The following PDE3A variants were observed in gnomAD, a reference collection of about 807,000 sequenced individuals.
The protein encoded by PDE3A is phosphodiesterase 3A, also known as cGMP-inhibited 3',5'-cyclic phosphodiesterase 3A.
A neutral mutation model predicts 98.3 loss-of-function variants in PDE3A; 43 were observed. The observed-to-expected ratio is 0.44, with a 90% CI of 0.34 to 0.56. The LOEUF is 0.56. Ranked by LOEUF, PDE3A falls within the 20% of genes least tolerant of loss-of-function variation. The pLI, the probability that PDE3A is intolerant of heterozygous loss-of-function variation, is 0.01. For synonymous variants in PDE3A, 663 were observed against 567.9 expected, an observed-to-expected ratio of 1.17 and a Z score of -2.38; for missense variants, 1,427 against 1,440.7, an observed-to-expected ratio of 0.99 and a Z score of 0.15.
intron 1 of PDE3A, among the ~76,000 whole-genome samples, chr12:20,521,664 T>C (rs1946430148): frequency 6.6e-6 from 1 of 152,232 alleles, no homozygotes; most frequent in Non-Finnish European, 1.5e-5. Flanking sequence ...TTCAAGATTA[T>C]TAATTCATTT....
chr12:20,527,104 A>G (rs1420167849), intron 1 of PDE3A, among the ~76,000 whole-genome samples: 5 of 151,948 alleles, frequency 3.3e-5, no homozygotes, highest in Non-Finnish European at 7.4e-5. Flanking sequence ...TTTTTAGTAA[A>G]GAGGGGGTTT....
At chr12:20,621,579 T>A in intron 5 of PDE3A, among the ~76,000 whole-genome samples, 168 bp downstream of exon 5, 1 of 152,112 alleles carries the variant, frequency 6.6e-6, no homozygotes, top group African/African-American at 2.4e-5. Flanking sequence ...AACCAATTAG[T>A]TATTTAAATT....
intron 2 of PDE3A, among the ~76,000 whole-genome samples, chr12:20,610,975 T>C (rs1262547005): frequency 6.6e-6 from 1 of 151,934 alleles, no homozygotes; most frequent in African/African-American, 2.4e-5. Context: ...GGGTATCTAA[T>C]GTACATGAGG....
intron 2 of PDE3A, among the ~76,000 whole-genome samples, chr12:20,597,001 T>C (rs7962574): frequency 0.54 from 82,194 of 151,948 alleles, 22,510 homozygotes; most frequent in Admixed American, 0.63. Flanking sequence ...GGATCCAGAC[T>C]ACCTGGGTTG....
At chr12:20,378,653 A>G (rs1238958176) in intron 1 of PDE3A, among the ~76,000 whole-genome samples, 3 of 151,730 alleles carry the variant, frequency 2.0e-5, no homozygotes, top group Non-Finnish European at 4.4e-5. Flanking sequence ...CTTCTGGTAA[A>G]AGCTGACTTA....
At chr12:20,382,832 G>A (rs1004672951) in intron 1 of PDE3A, among the ~76,000 whole-genome samples, 2 of 151,950 alleles carry the variant, frequency 1.3e-5, no homozygotes, top group African/African-American at 4.8e-5. Context: ...TTGCCCATTA[G>A]GGCCAGGTCA....
chr12:20,545,943 T>C (rs1942045022), intron 1 of PDE3A, among the ~76,000 whole-genome samples: 1 of 152,010 alleles, frequency 6.6e-6, no homozygotes, highest in South Asian at 2.1e-4. Context: ...CAACATCACT[T>C]GCTAATACAT....
rs556575261 is a variant in PDE3A at position 20,630,725 on chromosome 12, T to C, written c.1760+598T>C. Among the ~76,000 whole-genome samples, 19 of 152,324 alleles carry C rather than the reference T, an allele frequency of 1.2e-4. No individual in the cohort carries two copies. The East Asian group carries it at 3.7e-3, about 29-fold the overall frequency. ...GCCTAGCATGGCTGGAGTAATTATT[T>C]TGCCAATGTTGTCACGAAGAAATAA... On this transcript the variant is annotated intron_variant, in intron 6 of 15. Transcript: ENST00000359062.
chr12:20,625,383 G>A (rs1944237761), intron 5 of PDE3A, among the ~76,000 whole-genome samples: 1 of 152,080 alleles, frequency 6.6e-6, no homozygotes, highest in African/African-American at 2.4e-5. Flanking sequence ...CCGGATTCTT[G>A]TAAGTTTGGC....
chr12:20,589,100 T>A (rs929178781), intron 2 of PDE3A, among the ~76,000 whole-genome samples: 1 of 151,958 alleles, frequency 6.6e-6, no homozygotes, highest in Non-Finnish European at 1.5e-5. Context: ...TTTTTAAATA[T>A]TTTTTAGTAG....
chr12:20,532,973 G>T (rs1184715593), intron 1 of PDE3A, among the ~76,000 whole-genome samples: 2 of 152,176 alleles, frequency 1.3e-5, no homozygotes, highest in African/African-American at 4.8e-5. Flanking sequence ...ACCGCGCCCG[G>T]CCAGTTTCTT....
rs113166626 is a variant in PDE3A at position 20,677,647 on chromosome 12, G to A, written c.3185-2383G>A. 5.6e-4 allele frequency among the ~76,000 whole-genome samples: 86 copies of A among 152,224 alleles called. 1 individual carries two copies. The highest frequency in any genetic ancestry group is 2.0e-3 in the African/African-American group (85 of 41,550). On this transcript the variant is annotated intron_variant, in intron 15 of 15. Transcript: ENST00000359062. ...GCTAATTTTTTGTATTTTTAGTAGA[G>A]ACGGGGTTTTACCATGTTAGCCAGG... is the stretch of plus-strand genomic sequence containing the variant.
At chr12:20,421,828 G>A (rs1944516838) in intron 1 of PDE3A, among the ~76,000 whole-genome samples, 1 of 152,116 alleles carries the variant, frequency 6.6e-6, no homozygotes, top group African/African-American at 2.4e-5. Context: ...TTGGTAATGA[G>A]CAATGTAAAG....
chr12:20,503,879 A>G (rs993172561), intron 1 of PDE3A, among the ~76,000 whole-genome samples: 2 of 152,148 alleles, frequency 1.3e-5, no homozygotes, highest in African/African-American at 4.8e-5. Context: ...TACTGTTACA[A>G]TTAGAAGATA....
At chr12:20,459,257 T>A (rs1225929345) in intron 1 of PDE3A, among the ~76,000 whole-genome samples, 1 of 152,174 alleles carries the variant, frequency 6.6e-6, no homozygotes, top group Non-Finnish European at 1.5e-5. Context: ...CATAATTTCA[T>A]GTAAAATTTT....
intron 1 of PDE3A, among the ~76,000 whole-genome samples, chr12:20,442,886 G>C (rs1029274527): frequency 2.0e-5 from 3 of 152,102 alleles, no homozygotes; most frequent in African/African-American, 7.2e-5. Context: ...TTCATCCACT[G>C]ACAGTGTTGA....
chr12:20,582,506 G>T (rs1037689965), intron 2 of PDE3A, among the ~76,000 whole-genome samples: 1 of 152,024 alleles, frequency 6.6e-6, no homozygotes, highest in African/African-American at 2.4e-5. Context: ...CATGCTGCAT[G>T]ATTAATAATT....
At chr12:20,674,216 G>C (rs1011256785) in intron 15 of PDE3A, among the ~76,000 whole-genome samples, 8 of 151,996 alleles carry the variant, frequency 5.3e-5, no homozygotes, top group Non-Finnish European at 1.0e-4. Flanking sequence ...AGAGTTTTTT[G>C]ATGGAGTCTA....
intron 1 of PDE3A, among the ~76,000 whole-genome samples, chr12:20,555,159 G>C (rs943689761): frequency 1.1e-4 from 17 of 151,970 alleles, no homozygotes; most frequent in African/African-American, 4.1e-4. Context: ...AAGTAGCTGG[G>C]GCTACAGGTG....
Sources: allele counts gnomAD v4.1 joint callset (sites outside exome capture counted in the v4.1 genomes callset), GRCh38; gene constraint gnomAD v4.1.1; transcripts MANE v1.5; gene names NCBI Gene and HGNC (gene_info 2026-07-23, HGNC 2026-07-21).